The following AMPD1 variants were observed in gnomAD, a reference collection of about 807,000 sequenced individuals.
The protein encoded by AMPD1 is AMP deaminase 1.
Under a neutral mutation model 82.9 loss-of-function variants are expected in AMPD1, and 74 were observed. That is an observed-to-expected ratio of 0.89 (90% CI 0.74 to 1.08). The LOEUF (loss-of-function observed/expected upper bound fraction) is 1.08. Among genes scored for constraint, AMPD1 ranks in the 50% least tolerant of loss-of-function variants. The probability of loss-of-function intolerance (pLI) is 0.00; values close to 1 mark genes in which losing one functional copy is unlikely to be tolerated. For synonymous variants in AMPD1, 333 were observed against 320.5 expected, an observed-to-expected ratio of 1.04 and a Z score of -0.42; for missense variants, 881 against 924.5, an observed-to-expected ratio of 0.95 and a Z score of 0.61.
intron 15 of AMPD1, 55 bp from the exon 16 acceptor site, chr1:114,673,327 A>G: frequency 6.3e-7 from 1 of 1,588,046 alleles, no homozygotes; most frequent in East Asian, 2.2e-5. Context: ...CCTGGTATAG[A>G]CAATAATTGC....
chr1:114,692,352 T>C (rs1658539635), intron 2 of AMPD1, among the ~76,000 whole-genome samples: 1 of 152,140 alleles, frequency 6.6e-6, no homozygotes, highest in Non-Finnish European at 1.5e-5. Context: ...TAATTTGAGA[T>C]TGAGGGGAAT....
intron 14 of AMPD1, 51 bp from the exon 15 acceptor site, chr1:114,673,800 T>C (rs774742791): frequency 6.4e-7 from 1 of 1,572,870 alleles, no homozygotes; most frequent in South Asian, 1.1e-5. Context: ...ATAAATAATA[T>C]GCATCCTGCC....
chr1:114,679,125 C>G (rs756419807), intron 7 of AMPD1, among the ~76,000 whole-genome samples: 16 of 152,154 alleles, frequency 1.1e-4, no homozygotes, highest in Non-Finnish European at 1.2e-4. Flanking sequence ...TTCACAATCT[C>G]TAGGCTAGCT....
Position 114,689,410 on chromosome 1 carries a change from A to G in AMPD1, c.35-669T>C, listed in dbSNP as rs115269545. 6.4e-3 allele frequency among the ~76,000 whole-genome samples: 976 copies of G among 152,288 alleles called. 14 individuals carry two copies. The highest frequency in any genetic ancestry group is 0.022 in the African/African-American group (920 of 41,546). ...GGACATAGGCCTCAATAATGAATGA[A>G]CCTTGGAAGGCCAATTTTACTTGTA... On this transcript the variant is annotated intron_variant, in intron 2 of 15. Coordinates refer to ENST00000520113, the MANE Select transcript of AMPD1 (RefSeq NM_000036.3).
At chr1:114,688,789 C>A in intron 2 of AMPD1, 48 bp from the exon 3 acceptor site, 1 of 1,605,550 alleles carries the variant, frequency 6.2e-7, no homozygotes, top group South Asian at 1.1e-5. Flanking sequence ...TTTCAAAAGT[C>A]AGCTGAGAGT....
At chr1:114,675,719 T>TG in intron 11 of AMPD1, 26 bp from the exon 12 acceptor site, 1 of 1,614,048 alleles carries the variant, frequency 6.2e-7, no homozygotes, top group Non-Finnish European at 8.5e-7. Context: ...AGCCATGCAA[T>TG]GGGTTCAGTC....
chr1:114,677,627 T>C (rs919149068), intron 9 of AMPD1, 113 bp from the exon 10 acceptor site: 9 of 1,434,966 alleles, frequency 6.3e-6, no homozygotes, highest in Admixed American at 1.9e-5. Flanking sequence ...AAAGGCTAGG[T>C]CCTTAATCAA....
chr1:114,678,591 AGGATAT>A, intron 7 of AMPD1, 64 bp from the exon 8 acceptor site: 1 of 1,456,016 alleles, frequency 6.9e-7, no homozygotes, highest in Non-Finnish European at 9.6e-7. Context: ...CTCTGTTTAG[AGGATAT>A]GGTGCTGCAA....
At chr1:114,686,348 C>A (rs572219492) in intron 4 of AMPD1, among the ~76,000 whole-genome samples, 1 of 151,998 alleles carries the variant, frequency 6.6e-6, no homozygotes, top group South Asian at 2.1e-4. Flanking sequence ...TATCCTAGGT[C>A]TGCTTGGGTC....
At position 114,686,848 on chromosome 1, in the gene AMPD1, G is replaced by A. The variant is rs868820946; in HGVS notation, c.278C>T (p.Ser93Phe). 6.2e-7 allele frequency: 1 copy of A among 1,614,186 alleles called. No individual in the cohort carries two copies. The highest frequency in any genetic ancestry group is 8.5e-7 in the Non-Finnish European group (1 of 1,180,020). The stretch of plus-strand genomic sequence containing the variant: ...TTCATCAATGTGGGACAGTTTGGTG[G>A]AAGATGTTTCACTTAGTGGAATGGA... ...NLSIPLSETS[S>F]TKLSHIDEYI... Residue 93 changes from serine to phenylalanine, a missense_variant, in exon 4 of 16, where the codon TCC becomes TTC. This residue lies in a region of AMPD1 where 783 missense variants were observed against 786.4 expected (regional missense o/e 1.00). Coordinates refer to ENST00000520113, the MANE Select transcript of AMPD1 (RefSeq NM_000036.3).
chr1:114,688,475 C>G, intron 3 of AMPD1, 86 bp downstream of exon 3: 1 of 1,471,324 alleles, frequency 6.8e-7, no homozygotes, highest in Non-Finnish European at 9.5e-7. Context: ...GTTGAACCAT[C>G]ATTTGGATAA....
In AMPD1 at chr1:114,673,272, C is replaced by T; in HGVS notation, c.2086G>A (p.Glu696Lys). The change falls in exon 16 of 16, where the codon GAG becomes AAG. Residue 696 changes from glutamate (E) to lysine (K), a missense_variant and splice_region_variant. This residue lies in a region of AMPD1 where 98 missense variants were observed against 138.1 expected (regional missense o/e 0.71). Coordinates refer to ENST00000520113, the MANE Select transcript of AMPD1 (RefSeq NM_000036.3). ...SVLQCGISHE[E>K]KVKFLGDNYL... ...TTGTCGCCCAGAAACTTTACTTTCT[C>T]CTATAAGAGAAAAGGATGGCAGAAT... The T allele has an allele frequency of 3.7e-6, 6 of 1,613,990 alleles. No individual in the cohort carries two copies. Among genetic ancestry groups the T allele is most frequent in the Non-Finnish European group, 5.1e-6 (6 of 1,179,914 alleles).
At position 114,691,214 on chromosome 1, in the gene AMPD1, A is replaced by G. The variant is rs184157040; in HGVS notation, c.34+2222T>C. ...ACTTGTTTTGACTTCATGTAACCAC[A>G]GCTGAAATTTGACTCTTAATTCAAG... On this transcript the variant is annotated intron_variant, in intron 2 of 15. Coordinates refer to ENST00000520113, the MANE Select transcript of AMPD1 (RefSeq NM_000036.3). 2.6e-5 allele frequency among the ~76,000 whole-genome samples: 4 copies of G among 152,288 alleles called. No homozygotes were observed. The East Asian group carries it at 7.7e-4, about 29-fold the overall frequency.
chr1:114,685,102 A>G (rs1453720882), intron 4 of AMPD1, among the ~76,000 whole-genome samples: 1 of 152,176 alleles, frequency 6.6e-6, no homozygotes, highest in Non-Finnish European at 1.5e-5. Context: ...CTGTGGGACT[A>G]CCATATGCTT....
At chr1:114,692,915 T>A (rs543079827) in intron 2 of AMPD1, among the ~76,000 whole-genome samples, 1 of 151,596 alleles carries the variant, frequency 6.6e-6, no homozygotes, top group South Asian at 2.1e-4. Flanking sequence ...GGCAGATCAC[T>A]TGAGGTCAGG....
Position 114,688,699 on chromosome 1 carries a change from GCAAA to G in AMPD1, c.73_76del (p.Phe25ProfsTer63). On this transcript the variant is annotated frameshift_variant, in exon 3 of 16. Transcript: ENST00000520113. LOFTEE classifies it high-confidence loss of function. ...ACCTCCTTCATCTTTGACTTCAGAG[GCAAA>G]CACTTTTTCAGCAAAGTTGCGCATT... The G allele has an allele frequency of 6.2e-7, 1 of 1,614,150 alleles. No homozygotes were observed. Among genetic ancestry groups the G allele is most frequent in the Non-Finnish European group, 8.5e-7 (1 of 1,180,032 alleles).
intron 3 of AMPD1, among the ~76,000 whole-genome samples, chr1:114,687,372 A>G (rs1382282474): frequency 6.6e-6 from 1 of 152,250 alleles, no homozygotes; most frequent in African/African-American, 2.4e-5. Context: ...TGCCTAGCAC[A>G]GTACCTGGAA....
At chr1:114,687,140 T>A (rs564693590) in intron 3 of AMPD1, 11 of 569,494 alleles carry the variant, frequency 1.9e-5, no homozygotes, top group South Asian at 1.9e-4. Flanking sequence ...GCAATCCTAC[T>A]AGAAGACCTT....
In AMPD1 at chr1:114,686,992, A is replaced by G. The variant is rs764838886; in HGVS notation, c.216-82T>C. 5.5e-6 allele frequency: 8 copies of G among 1,451,522 alleles called. No homozygotes were observed. The African/African-American group carries it at 9.8e-5, about 18-fold the overall frequency. The allele number at this position is 1,451,522 out of a possible 1,614,324, so 89.9% of individuals were successfully genotyped here. On this transcript the variant is annotated intron_variant, in intron 3 of 15. Transcript: ENST00000520113. ...TGATAGATAGATGTTTCTCTATACA[A>G]TTTTATTCTGAGGACAAAAAGTAAA...
Sources: gnomAD v4.1 joint callset for allele counts (sites outside exome capture counted in the v4.1 genomes callset) on GRCh38, gnomAD v4.1.1 for gene constraint, gnomAD v4.1.1 regional missense constraint, MANE v1.5 for transcripts, NCBI Gene and HGNC (gene_info 2026-07-23, HGNC 2026-07-21) for gene names.